MARCHF1: variants seen among roughly 807,000 people sequenced by gnomAD.
The protein encoded by MARCHF1 is E3 ubiquitin-protein ligase MARCHF1.
A neutral mutation model predicts 54.2 loss-of-function variants in MARCHF1; 40 were observed. The ratio of observed to expected loss-of-function variants is 0.74; its 90% CI spans 0.57 to 0.96. MARCHF1 has a LOEUF of 0.96. Ranked by LOEUF, MARCHF1 falls within the 40% of genes least tolerant of loss-of-function variation. The pLI is 0.00. For synonymous variants in MARCHF1, 236 were observed against 236.3 expected (o/e 1.00, Z 0.01); for missense variants, 586 against 656.5 (o/e 0.89, Z 1.17).
intron 2 of MARCHF1, among the ~76,000 whole-genome samples, chr4:164,013,622 G>A (rs937498946): frequency 3.9e-5 from 6 of 152,086 alleles, no homozygotes; most frequent in Non-Finnish European, 8.8e-5. Flanking sequence ...ATACAGAAAG[G>A]ATCCTAAAAG....
At position 164,279,681 on chromosome 4, in the gene MARCHF1, T is replaced by A. The variant is rs1733977106; in HGVS notation, c.-323+104189A>T. On this transcript the variant is annotated intron_variant, in intron 1 of 9. Coordinates refer to ENST00000514618, the MANE Select transcript of MARCHF1 (RefSeq NM_001394959.1). ...CAATTATTTGTCAAATGTAAAAATT[T>A]CATAAATTGAAAATTTTTAGATAAG... 2.0e-5 allele frequency among the ~76,000 whole-genome samples: 3 copies of A among 151,566 alleles called. No homozygotes were observed. In the South Asian group the frequency reaches 6.2e-4, roughly 32 times the overall value.
chr4:163,762,780 TA>T (rs1561063734), intron 4 of MARCHF1, among the ~76,000 whole-genome samples: 1 of 152,134 alleles, frequency 6.6e-6, no homozygotes, highest in Admixed American at 6.6e-5. Context: ...AGTTTCTTAC[TA>T]TATACTTCCC....
intron 4 of MARCHF1, among the ~76,000 whole-genome samples, chr4:163,827,855 G>A (rs1748896757): frequency 6.6e-6 from 1 of 152,076 alleles, no homozygotes; most frequent in African/African-American, 2.4e-5. Context: ...TTCTTGACGG[G>A]AAACTTTCAA....
At chr4:164,029,087 G>A (rs531328284) in intron 2 of MARCHF1, among the ~76,000 whole-genome samples, 77 of 152,160 alleles carry the variant, frequency 5.1e-4, no homozygotes, top group South Asian at 3.5e-3. Context: ...GAAATATCAC[G>A]CTTGCAAATT....
At chr4:164,209,213 GA>G (rs1410697152) in intron 1 of MARCHF1, among the ~76,000 whole-genome samples, 1 of 151,952 alleles carries the variant, frequency 6.6e-6, no homozygotes, top group Admixed American at 6.6e-5. Flanking sequence ...GCTCAATCAA[GA>G]AAAAAATATG....
At chr4:163,646,216 T>A (rs558218620) in intron 5 of MARCHF1, among the ~76,000 whole-genome samples, 1 of 148,712 alleles carries the variant, frequency 6.7e-6, no homozygotes, top group African/African-American at 2.6e-5. Context: ...GGGAGTGAGA[T>A]GTTATATTCA....
At chr4:164,325,668 G>A (rs1348585324) in intron 1 of MARCHF1, among the ~76,000 whole-genome samples, 1 of 151,944 alleles carries the variant, frequency 6.6e-6, no homozygotes, top group African/African-American at 2.4e-5. Flanking sequence ...GGTGGAAGTT[G>A]CAGTGAGCCA....
intron 8 of MARCHF1, among the ~76,000 whole-genome samples, chr4:163,582,162 T>G (rs1252211182): frequency 6.6e-6 from 1 of 152,214 alleles, no homozygotes; most frequent in Non-Finnish European, 1.5e-5. Flanking sequence ...TGATCTTGAG[T>G]GCACTTCCAA....
chr4:164,121,276 C>T (rs953655877), intron 1 of MARCHF1, among the ~76,000 whole-genome samples: 1 of 152,006 alleles, frequency 6.6e-6, no homozygotes, highest in South Asian at 2.1e-4. Flanking sequence ...AGGAAAAAAT[C>T]CAAAACCTGA....
chr4:163,742,685 C>A (rs1348797819), intron 4 of MARCHF1, among the ~76,000 whole-genome samples: 1 of 151,878 alleles, frequency 6.6e-6, no homozygotes, highest in Non-Finnish European at 1.5e-5. Flanking sequence ...ATTATGTTGT[C>A]CAGGTTAGTC....
chr4:163,906,490 T>C (rs1751069505), intron 3 of MARCHF1, among the ~76,000 whole-genome samples: 2 of 152,000 alleles, frequency 1.3e-5, no homozygotes, highest in African/African-American at 2.4e-5. Context: ...CAAAATTTTT[T>C]ATTTAAATTT....
At chr4:164,116,967 A>C (rs1265583844) in intron 1 of MARCHF1, among the ~76,000 whole-genome samples, 1 of 152,080 alleles carries the variant, frequency 6.6e-6, no homozygotes, top group East Asian at 1.9e-4. Flanking sequence ...TCTTTTAAAT[A>C]ATAGAATAGG....
chr4:164,218,988 A>C (rs1025615751), intron 1 of MARCHF1, among the ~76,000 whole-genome samples: 1 of 152,292 alleles, frequency 6.6e-6, no homozygotes, highest in African/African-American at 2.4e-5. Context: ...GGATATGTAA[A>C]CAGTATTGAT....
At chr4:163,814,482 G>T (rs1020740004) in intron 4 of MARCHF1, among the ~76,000 whole-genome samples, 3 of 152,184 alleles carry the variant, frequency 2.0e-5, no homozygotes, top group African/African-American at 7.2e-5. Context: ...TATGCAGGAG[G>T]CTGAGGCAGG....
intron 1 of MARCHF1, among the ~76,000 whole-genome samples, chr4:164,320,943 G>A (rs986534781): frequency 3.9e-5 from 6 of 152,104 alleles, no homozygotes; most frequent in Non-Finnish European, 8.8e-5. Context: ...CTAGAGTCTC[G>A]GAATAGAGAT....
chr4:164,287,350 CCTGTCA>C (rs1400515686), intron 1 of MARCHF1, among the ~76,000 whole-genome samples: 6 of 152,024 alleles, frequency 3.9e-5, no homozygotes, highest in African/African-American at 1.2e-4. Context: ...ACGTTCCTTG[CCTGTCA>C]CTCCAAAGGA....
intron 4 of MARCHF1, among the ~76,000 whole-genome samples, chr4:163,739,639 G>A (rs1746141447): frequency 6.6e-6 from 1 of 152,114 alleles, no homozygotes; most frequent in Non-Finnish European, 1.5e-5. Flanking sequence ...ATAATCATGT[G>A]AAATTCGTTA....
chr4:164,098,925 C>T (rs1467422979), intron 2 of MARCHF1, among the ~76,000 whole-genome samples: 4 of 152,162 alleles, frequency 2.6e-5, no homozygotes, highest in Non-Finnish European at 1.5e-5. Flanking sequence ...ATTTTTCTCC[C>T]GTTGGCTCTA....
At chr4:163,649,709 C>T (rs1054361700) in intron 5 of MARCHF1, among the ~76,000 whole-genome samples, 4 of 152,006 alleles carry the variant, frequency 2.6e-5, no homozygotes, top group East Asian at 1.9e-4. Context: ...AACTGACCCC[C>T]ACCCCCACCA....
Sources: allele counts gnomAD v4.1 joint callset (sites outside exome capture counted in the v4.1 genomes callset), GRCh38; gene constraint gnomAD v4.1.1; transcripts MANE v1.5; gene names NCBI Gene and HGNC (gene_info 2026-07-23, HGNC 2026-07-21).